AXIN2: variants seen among roughly 807,000 people sequenced by gnomAD.
AXIN2 encodes axin-2.
AXIN2 carries 21 observed loss-of-function variants against 74.7 expected under a neutral mutation model. That is an observed-to-expected ratio of 0.28 (90% CI 0.20 to 0.40). The LOEUF is 0.40. Ranked by LOEUF, AXIN2 falls within the 10% of genes least tolerant of loss-of-function variation. The probability of loss-of-function intolerance (pLI) is 1.00; values close to 1 mark genes in which losing one functional copy is unlikely to be tolerated. For synonymous variants in AXIN2, 532 were observed against 454.9 expected (o/e 1.17, Z -2.16); for missense variants, 1,144 against 1,111.1 (o/e 1.03, Z -0.42).
At chr17:65,550,866 T>C (rs1372009475) in intron 2 of AXIN2, among the ~76,000 whole-genome samples, 3 of 152,146 alleles carry the variant, frequency 2.0e-5, no homozygotes, top group African/African-American at 7.2e-5. Flanking sequence ...GTCACCATAC[T>C]GTGGGGGTGT....
chr17:65,538,407 C>G, intron 4 of AXIN2, 64 bp from the exon 5 acceptor site: 1 of 1,601,282 alleles, frequency 6.2e-7, no homozygotes, highest in Non-Finnish European at 8.5e-7. Flanking sequence ...GGTGGCTTGG[C>G]CGGAGCTTCC....
At chr17:65,541,615 C>G in intron 3 of AXIN2, 58 bp from the exon 4 acceptor site, 9 of 1,383,274 alleles carry the variant, frequency 6.5e-6, no homozygotes, top group Non-Finnish European at 8.2e-6. Flanking sequence ...CAGCACATCA[C>G]ATGGGCTACT....
intron 3 of AXIN2, among the ~76,000 whole-genome samples, chr17:65,545,269 C>G (rs2044102334): frequency 6.6e-6 from 1 of 152,228 alleles, no homozygotes; most frequent in Admixed American, 6.5e-5. Context: ...GGCAAAGAGT[C>G]TGCTGCTTCT....
At chr17:65,550,637 G>A (rs944459605) in intron 2 of AXIN2, among the ~76,000 whole-genome samples, 3 of 152,180 alleles carry the variant, frequency 2.0e-5, no homozygotes, top group African/African-American at 7.2e-5. Context: ...GTCTATGCCA[G>A]CAGCAAAGAA....
At chr17:65,531,104 G>T (rs2144398168) in intron 10 of AXIN2, among the ~76,000 whole-genome samples, 1 of 152,228 alleles carries the variant, frequency 6.6e-6, no homozygotes, top group East Asian at 1.9e-4. Flanking sequence ...CACTCACAGA[G>T]GGAAGGTCAC....
intron 9 of AXIN2, 108 bp from the exon 10 acceptor site, chr17:65,534,187 T>C: frequency 7.3e-7 from 1 of 1,379,228 alleles, no homozygotes; most frequent in Non-Finnish European, 1.0e-6. Context: ...ATCCAAACAC[T>C]AGGGCTGCAA....
At chr17:65,537,101 C>T in intron 6 of AXIN2, 38 bp from the exon 7 acceptor site, 1 of 1,586,788 alleles carries the variant, frequency 6.3e-7, no homozygotes, top group South Asian at 1.1e-5. Context: ...CCCAGAGACC[C>T]GGTTAAATCT....
intron 1 of AXIN2, chr17:65,560,418 G>A (rs1448747172): frequency 6.7e-6 from 1 of 150,062 alleles, no homozygotes; most frequent in Non-Finnish European, 1.5e-5. Context: ...GGGCGGAGGA[G>A]AGGCGGGGGG....
chr17:65,546,104 C>G (rs1165018853), intron 3 of AXIN2, among the ~76,000 whole-genome samples: 6 of 151,124 alleles, frequency 4.0e-5, no homozygotes, highest in Admixed American at 6.6e-5. Flanking sequence ...AGCCAGCCCC[C>G]CTCCCCAGCC....
At chr17:65,532,368 C>T (rs1384411074) in intron 10 of AXIN2, among the ~76,000 whole-genome samples, 3 of 152,180 alleles carry the variant, frequency 2.0e-5, no homozygotes, top group Admixed American at 1.3e-4. Context: ...AAAATGAATC[C>T]CCAGAGGGAC....
At position 65,558,456 on chromosome 17, in the gene AXIN2, G is replaced by A; in HGVS notation, c.165C>T (p.Thr55=). Residue 55 remains threonine (T), a synonymous_variant, in exon 2 of 11, where the codon ACC becomes ACT. Transcript: ENST00000307078. ...VTKPMPVSSN[T]RRNEDGLGEP... is the part of the protein sequence containing the mutation. ...CCCCCAACCCATCTTCGTTCCGCCTGGTGTTGGAAGAGACAGGCATGGGTT... is the reference window on the plus strand; with the variant it reads ...CCCCCAACCCATCTTCGTTCCGCCTAGTGTTGGAAGAGACAGGCATGGGTT... 1.9e-6 allele frequency: 3 copies of A among 1,601,166 alleles called. No individual in the cohort carries two copies. Among genetic ancestry groups the A allele is most frequent in the Non-Finnish European group, 1.7e-6 (2 of 1,171,722 alleles).
chr17:65,535,449 T>C (rs1291251781), intron 9 of AXIN2, among the ~76,000 whole-genome samples, 177 bp downstream of exon 9: 1 of 152,224 alleles, frequency 6.6e-6, no homozygotes, highest in Non-Finnish European at 1.5e-5. Context: ...CTATGATGCA[T>C]TTGTCGGCAG....
intron 5 of AXIN2, 137 bp from the exon 6 acceptor site, chr17:65,537,972 G>A: frequency 2.2e-6 from 3 of 1,343,972 alleles, no homozygotes; most frequent in Non-Finnish European, 3.1e-6. Flanking sequence ...ATGCGCACAC[G>A]CACAGGCCCG....
Position 65,537,503 on chromosome 17 carries a change from C to G in AXIN2, c.1533G>C (p.Thr511=). Residue 511 remains threonine (T), a synonymous_variant, in exon 6 of 11, where the codon ACG becomes ACC. Coordinates refer to ENST00000307078, the MANE Select transcript of AXIN2 (RefSeq NM_004655.4). The part of the protein sequence containing the change: ...GGKGFVTKQT[T]KHVHHHYIHH... Reference sequence around the variant, plus strand: ...GGATGTAGTGGTGGTGGACATGCTTCGTCGTCTGCTTGGTCACAAAGCCTT... The same window carrying G: ...GGATGTAGTGGTGGTGGACATGCTTGGTCGTCTGCTTGGTCACAAAGCCTT... 1 of 1,613,756 alleles carries G rather than the reference C, an allele frequency of 6.2e-7. No individual in the cohort carries two copies. Among genetic ancestry groups the G allele is most frequent in the African/African-American group, 1.3e-5 (1 of 74,964 alleles).
rs1253025740 is a variant in AXIN2, at chr17:65,536,179, TACTC to T, written c.2141+137_2141+140del. On this transcript the variant is annotated intron_variant, in intron 8 of 10. Transcript: ENST00000307078. ...TTCTAGAAGCTGGAAAGCAGCAGCT[TACTC>T]ATCCATAAGTAATTCTTCTTCTCAT... The T allele has an allele frequency of 1.9e-5, 16 of 858,500 alleles. No individual in the cohort carries two copies. The African/African-American group carries it at 2.5e-4, about 14-fold the overall frequency. 53.2% of individuals were successfully genotyped at this position (858,500 alleles called of 1,614,324 possible).
chr17:65,535,194 A>C (rs186453840), intron 9 of AXIN2, among the ~76,000 whole-genome samples: 6 of 152,316 alleles, frequency 3.9e-5, no homozygotes, highest in Admixed American at 1.3e-4. Flanking sequence ...TTACAAAAAG[A>C]ATCACTGCCC....
At chr17:65,539,880 G>C (rs1447116070) in intron 4 of AXIN2, among the ~76,000 whole-genome samples, 3 of 152,142 alleles carry the variant, frequency 2.0e-5, no homozygotes, top group Admixed American at 6.5e-5. Flanking sequence ...CCCTAAAATG[G>C]GAATGTAGAT....
rs1258020418 is a variant in AXIN2 at position 65,558,355 on chromosome 17, T to C, written c.266A>G (p.Gln89Arg). ...AGTTCGGAACAGGTAAGCACCGTCT[T>C]GATCGCCCAATAAGGAGTGTAAGGA... ...TKSLHSLLGD[Q>R]DGAYLFRTFL... The change falls in exon 2 of 11, where the codon CAA becomes CGA. Residue 89 changes from glutamine (Q) to arginine (R), a missense_variant. Transcript: ENST00000307078. 1 of 1,614,080 alleles carries C rather than the reference T, an allele frequency of 6.2e-7. No homozygotes were observed.
At chr17:65,530,924 A>C (rs1480294168) in intron 10 of AXIN2, among the ~76,000 whole-genome samples, 1 of 152,212 alleles carries the variant, frequency 6.6e-6, no homozygotes, top group Non-Finnish European at 1.5e-5. Flanking sequence ...CTGGCCTCTC[A>C]GGAGTGCCAC....
Sources: gnomAD v4.1 joint callset for allele counts (sites outside exome capture counted in the v4.1 genomes callset) on GRCh38, gnomAD v4.1.1 for gene constraint, MANE v1.5 for transcripts, NCBI Gene and HGNC (gene_info 2026-07-23, HGNC 2026-07-21) for gene names.